TRIM14: variants seen among roughly 807,000 people sequenced by gnomAD.
TRIM14 encodes the protein tripartite motif containing 14, also known as tripartite motif-containing protein 14.
TRIM14 carries 28 observed loss-of-function variants against 44.5 expected under a neutral mutation model. The ratio of observed to expected loss-of-function variants is 0.63; its 90% CI spans 0.47 to 0.86. TRIM14 has a LOEUF of 0.86. Ranked by LOEUF, TRIM14 falls within the 40% of genes least tolerant of loss-of-function variation. The pLI is 0.00. For synonymous variants in TRIM14, 299 were observed against 269.2 expected (o/e 1.11, Z -1.08); for missense variants, 607 against 611.1 (o/e 0.99, Z 0.07).
intron 3 of TRIM14, among the ~76,000 whole-genome samples, chr9:98,098,543 C>A (rs561667507): frequency 2.7e-5 from 4 of 145,926 alleles, no homozygotes; most frequent in Admixed American, 7.0e-5. Flanking sequence ...AACCCCATCT[C>A]TACTAAAAAA....
the TRIM14 span, among the ~76,000 whole-genome samples, chr9:98,052,064 A>G: frequency 6.6e-6 from 1 of 152,172 alleles, no homozygotes; most frequent in African/African-American, 2.4e-5. Context: ...CTCTCTCACA[A>G]TGCAAAGTAA....
chr9:98,091,320 G>A (rs1254686577), intron 5 of TRIM14, among the ~76,000 whole-genome samples: 1 of 152,106 alleles, frequency 6.6e-6, no homozygotes, highest in Non-Finnish European at 1.5e-5. Flanking sequence ...AGCTGGGCAT[G>A]GTGGCACACA....
chr9:98,066,240 T>C (rs914727044), downstream of TRIM14, among the ~76,000 whole-genome samples: 1 of 152,196 alleles, frequency 6.6e-6, no homozygotes, highest in Non-Finnish European at 1.5e-5. Context: ...GTTTCCAAAG[T>C]GTGGTTCAGG....
downstream of TRIM14, among the ~76,000 whole-genome samples, chr9:98,080,108 G>A (rs925633793): frequency 5.3e-5 from 8 of 152,360 alleles, no homozygotes; most frequent in Middle Eastern, 3.4e-3. Context: ...CAGCTGCTCA[G>A]GAGGCTGAGG....
chr9:98,091,440 G>GTC (rs935521798), intron 5 of TRIM14, among the ~76,000 whole-genome samples: 2 of 151,766 alleles, frequency 1.3e-5, no homozygotes, highest in African/African-American at 4.9e-5. Context: ...GCAAGACTCG[G>GTC]TCACACACAC....
In TRIM14 at chr9:98,100,072, G is replaced by T. The variant is rs1587959468; in HGVS notation, c.396C>A (p.Phe132Leu). ...LDEEEALAKKFIDKNTQLTLQ... is the reference protein window; with the variant it reads ...LDEEEALAKKLIDKNTQLTLQ... The stretch of plus-strand genomic sequence containing the variant: ...GGGTAAGCTGCGTGTTTTTATCAAT[G>T]AATTTCTTGGCCAGCGCTTCCTCTT... Residue 132 changes from phenylalanine (F) to leucine (L), a missense_variant, in exon 3 of 6, where the codon TTC (phenylalanine) becomes TTA (leucine). Phe to Leu is a conservative substitution (Grantham distance 22). Transcript: ENST00000341469. 6.2e-7 allele frequency: 1 copy of T among 1,614,084 alleles called. No individual in the cohort carries two copies. The highest frequency in any genetic ancestry group is 8.5e-7 in the Non-Finnish European group (1 of 1,180,048).
rs568494017 is a variant in TRIM14, at chr9:98,094,813, G to T, written c.700+54C>A. The T allele has an allele frequency of 1.4e-5, 22 of 1,577,544 alleles. No homozygotes were observed. The South Asian group carries it at 2.2e-4, about 16-fold the overall frequency. On this transcript the variant is annotated intron_variant, in intron 4 of 5. Coordinates refer to ENST00000341469, the MANE Select transcript of TRIM14 (RefSeq NM_014788.4). ...AGATGATCTTTGCATTCGTCTCTGG[G>T]CTAAAGGACACTAGGGGAGTTAAGG...
the TRIM14 span, among the ~76,000 whole-genome samples, chr9:98,053,436 C>T: frequency 6.6e-6 from 1 of 152,142 alleles, no homozygotes; most frequent in Non-Finnish European, 1.5e-5. Flanking sequence ...AAGTGACCAG[C>T]CTGCTGAACT....
chr9:98,036,221 A>G, the TRIM14 span, among the ~76,000 whole-genome samples: 31 of 151,100 alleles, frequency 2.1e-4, no homozygotes, highest in Middle Eastern at 3.4e-3. Context: ...AAAGAAAAAG[A>G]AAAAGAAAAA....
In TRIM14 at chr9:98,086,417, G is replaced by C. The variant is rs1825777937; in HGVS notation, c.*1053C>G. 2 of 152,242 alleles carry C rather than the reference G, an allele frequency of 1.3e-5. No homozygotes were observed. The highest frequency in any genetic ancestry group is 2.9e-5 in the Non-Finnish European group (2 of 68,096). The allele number at this position is 152,242 out of a possible 1,614,324, so 9.4% of individuals were successfully genotyped here. A position where few individuals can be genotyped will look rare whatever the true frequency, so the allele number is the denominator to read the frequency against. ...TGACCTGTGAGGCCCGCCTAACTCA[G>C]CTCTTCTGTTACTCAGTGATAGGCA... On this transcript the variant is annotated 3_prime_UTR_variant, in exon 6 of 6. Coordinates refer to ENST00000341469, the MANE Select transcript of TRIM14 (RefSeq NM_014788.4).
At chr9:98,063,888 C>T in the TRIM14 span, among the ~76,000 whole-genome samples, 1 of 151,666 alleles carries the variant, frequency 6.6e-6, no homozygotes, top group Non-Finnish European at 1.5e-5. Flanking sequence ...CATCTTTTCT[C>T]TGTTTGGGGT....
At chr9:98,099,825 G>T in intron 3 of TRIM14, 106 bp downstream of exon 3, 2 of 947,156 alleles carry the variant, frequency 2.1e-6, no homozygotes, top group Non-Finnish European at 3.3e-6. Flanking sequence ...CAAGACAATA[G>T]TCCATGTACT....
downstream of TRIM14, among the ~76,000 whole-genome samples, chr9:98,083,280 A>G (rs981845612): frequency 3.3e-5 from 5 of 152,202 alleles, no homozygotes; most frequent in South Asian, 4.1e-4. Context: ...AGCTTAGTGC[A>G]CTGGCCAACA....
downstream of TRIM14, among the ~76,000 whole-genome samples, chr9:98,065,483 A>ATTTTTTTTTTTTTTTTTT (rs397837187): frequency 5.5e-4 from 32 of 58,626 alleles, no homozygotes; most frequent in Admixed American, 8.0e-4. Context: ...TGCCCAGCTA[A>ATTTTTTTTTTTTTTTTTT]TTTTTTTTTT....
intron 1 of TRIM14, chr9:98,115,822 A>G (rs986918496): frequency 6.6e-5 from 10 of 152,198 alleles, no homozygotes; most frequent in African/African-American, 2.4e-4. Context: ...ATCTTCATAT[A>G]TGATCAGACT....
chr9:98,102,867 AAAG>A (rs1221256829), intron 2 of TRIM14, among the ~76,000 whole-genome samples: 10 of 152,338 alleles, frequency 6.6e-5, no homozygotes, highest in South Asian at 2.1e-4. Context: ...CCATAAAAAA[AAAG>A]AAGAAGAAAA....
the TRIM14 span, among the ~76,000 whole-genome samples, chr9:98,038,931 T>A: frequency 6.6e-6 from 1 of 151,966 alleles, no homozygotes; most frequent in South Asian, 2.1e-4. Flanking sequence ...GTGCCTGTAG[T>A]CCCAGCTACT....
At chr9:98,103,680 T>C (rs928861547) in intron 2 of TRIM14, among the ~76,000 whole-genome samples, 2 of 151,598 alleles carry the variant, frequency 1.3e-5, no homozygotes, top group African/African-American at 4.8e-5. Flanking sequence ...CTACTAAAGA[T>C]ATAAAAAATT....
At chr9:98,079,103 C>T (rs997022849) in intron 6 of TRIM14, among the ~76,000 whole-genome samples, 5 of 152,062 alleles carry the variant, frequency 3.3e-5, no homozygotes, top group Non-Finnish European at 5.9e-5. Context: ...CACGATTTTG[C>T]CTACTCAGTC....
Sources: gnomAD v4.1 joint callset for allele counts (sites outside exome capture counted in the v4.1 genomes callset) on GRCh38, gnomAD v4.1.1 for gene constraint, MANE v1.5 for transcripts, NCBI Gene and HGNC (gene_info 2026-07-23, HGNC 2026-07-21) for gene names.